The following OSBPL8 variants were observed in gnomAD, a reference collection of about 807,000 sequenced individuals.
OSBPL8 encodes the protein oxysterol binding protein like 8.
Under a neutral mutation model 125.5 loss-of-function variants are expected in OSBPL8, and 59 were observed. The observed-to-expected ratio is 0.47, with a 90% CI of 0.38 to 0.58. The LOEUF (loss-of-function observed/expected upper bound fraction) is 0.58. OSBPL8 is among the 20% of genes least tolerant of loss of function. The pLI, the probability that OSBPL8 is intolerant of heterozygous loss-of-function variation, is 0.00. For missense variants in OSBPL8, 758 were observed against 1,047.8 expected (o/e 0.72, Z 3.82); for synonymous variants, 330 against 338.9 (o/e 0.97, Z 0.29).
chr12:76,488,021 A>C (rs1380755862), intron 1 of OSBPL8, among the ~76,000 whole-genome samples: 1 of 152,218 alleles, frequency 6.6e-6, no homozygotes, highest in Non-Finnish European at 1.5e-5. Flanking sequence ...ATAAATCAGG[A>C]CAATTTTTTG....
At chr12:76,512,980 G>C (rs1461271431) in intron 1 of OSBPL8, among the ~76,000 whole-genome samples, 1 of 152,042 alleles carries the variant, frequency 6.6e-6, no homozygotes, top group African/African-American at 2.4e-5. Context: ...CTCTTGGCTT[G>C]GCTGTTTTTG....
chr12:76,551,795 C>T (rs754572568), intron 1 of OSBPL8, among the ~76,000 whole-genome samples: 14 of 152,256 alleles, frequency 9.2e-5, no homozygotes, highest in Non-Finnish European at 1.3e-4. Flanking sequence ...ATTACAGTCT[C>T]GACTACCTCG....
chr12:76,501,189 C>CT lies in OSBPL8; in HGVS notation c.-67-13572_-67-13571insA, dbSNP rs2137116659. ...TTCATGTTTTCTTAGATTTAAATCCCAATTTATAATTAAAATAAATGCAGT... is the reference window on the plus strand; with the variant it reads ...TTCATGTTTTCTTAGATTTAAATCCCTAATTTATAATTAAAATAAATGCAGT... On this transcript the variant is annotated intron_variant, in intron 1 of 23. Transcript: ENST00000261183. Among the ~76,000 whole-genome samples the CT allele has an allele frequency of 2.0e-5, 3 of 152,188 alleles. 1 individual carries two copies. In the South Asian group the frequency reaches 6.2e-4, roughly 32 times the overall value.
chr12:76,423,185 TA>T (rs1388225096), intron 4 of OSBPL8: 18 of 152,292 alleles, frequency 1.2e-4, no homozygotes, highest in African/African-American at 4.3e-4. Flanking sequence ...GATTTATATC[TA>T]ATCTACAGCT....
intron 21 of OSBPL8, among the ~76,000 whole-genome samples, chr12:76,361,297 A>T (rs974411370): frequency 1.3e-5 from 2 of 152,184 alleles, no homozygotes; most frequent in Non-Finnish European, 2.9e-5. Context: ...AAAGCATAAC[A>T]AGAGTCACCT....
chr12:76,381,431 C>T (rs944573699), intron 15 of OSBPL8, among the ~76,000 whole-genome samples: 3 of 152,150 alleles, frequency 2.0e-5, no homozygotes, highest in Admixed American at 6.5e-5. Flanking sequence ...CAATTTTACA[C>T]CACTTCTTGG....
At chr12:76,398,265 G>A (rs886189574) in intron 7 of OSBPL8, among the ~76,000 whole-genome samples, 8 of 152,094 alleles carry the variant, frequency 5.3e-5, no homozygotes, top group Non-Finnish European at 5.9e-5. Flanking sequence ...TGATGATTCT[G>A]CTTAAAACAA....
At chr12:76,384,978 T>A (rs1228601807) in intron 14 of OSBPL8, among the ~76,000 whole-genome samples, 1 of 152,178 alleles carries the variant, frequency 6.6e-6, no homozygotes, top group Non-Finnish European at 1.5e-5. Context: ...CAGCAATGGA[T>A]AACTAATACA....
At position 76,369,829 on chromosome 12, in the gene OSBPL8, C is replaced by A. The variant is rs759422888; in HGVS notation, c.2055-7G>T. The A allele has an allele frequency of 1.9e-6, 3 of 1,598,412 alleles. No individual in the cohort carries two copies. The highest frequency in any genetic ancestry group is 4.5e-5 in the East Asian group (2 of 44,724). On this transcript the variant is annotated splice_region_variant and splice_polypyrimidine_tract_variant and intron_variant, in intron 19 of 23. Coordinates refer to ENST00000261183, the MANE Select transcript of OSBPL8 (RefSeq NM_020841.5). Reference sequence around the variant, plus strand: ...AGTTACCCGTTGCCAGAGTCTAATACATGTGCGAAAATATTAAAAGTATTA... The same window carrying A: ...AGTTACCCGTTGCCAGAGTCTAATAAATGTGCGAAAATATTAAAAGTATTA...
At chr12:76,422,525 G>T (rs757162840) in intron 4 of OSBPL8, 2 of 456,380 alleles carry the variant, frequency 4.4e-6, no homozygotes, top group South Asian at 3.1e-5. Context: ...CAATGAAGGA[G>T]AAAGTTCATT....
intron 1 of OSBPL8, among the ~76,000 whole-genome samples, chr12:76,515,519 C>T (rs1010082379): frequency 5.3e-5 from 8 of 152,158 alleles, no homozygotes; most frequent in Non-Finnish European, 7.3e-5. Flanking sequence ...TGGGTGGCTC[C>T]GCAATTTCCT....
At chr12:76,538,648 T>C (rs751352708) in intron 1 of OSBPL8, among the ~76,000 whole-genome samples, 8 of 152,112 alleles carry the variant, frequency 5.3e-5, no homozygotes, top group Non-Finnish European at 1.2e-4. Flanking sequence ...GGGACATCTA[T>C]ATTATTCAGA....
intron 1 of OSBPL8, among the ~76,000 whole-genome samples, chr12:76,518,246 G>GC (rs1332580632): frequency 6.6e-6 from 1 of 152,214 alleles, no homozygotes; most frequent in Non-Finnish European, 1.5e-5. Flanking sequence ...CAGGCCACAA[G>GC]CAAGTCCAAA....
chr12:76,551,582 A>C (rs1185206588), intron 1 of OSBPL8, among the ~76,000 whole-genome samples: 1 of 152,164 alleles, frequency 6.6e-6, no homozygotes, highest in Non-Finnish European at 1.5e-5. Flanking sequence ...GCGTAAGATA[A>C]AGCTTTCATG....
chr12:76,420,152 TAAAC>T (rs1484207889), intron 4 of OSBPL8, among the ~76,000 whole-genome samples: 9 of 152,070 alleles, frequency 5.9e-5, no homozygotes, highest in Non-Finnish European at 8.8e-5. Context: ...TGAAATTACA[TAAAC>T]AAATCTACAA....
At position 76,354,520 on chromosome 12, in the gene OSBPL8, C is replaced by T. The variant is rs543650299; in HGVS notation, c.*1369G>A. 1.3e-5 allele frequency: 2 copies of T among 151,998 alleles called. No homozygotes were observed. The highest frequency in any genetic ancestry group is 4.8e-5 in the African/African-American group (2 of 41,538). The allele number at this position is 151,998 out of a possible 1,614,324, so 9.4% of individuals were successfully genotyped here. On this transcript the variant is annotated 3_prime_UTR_variant, in exon 24 of 24. Transcript: ENST00000261183. Reference sequence around the variant, plus strand: ...AATGTGGTCAGGGCAATTATTCTCTCTGACCTTCATTTTCATTAAAAAAAC... The same window carrying T: ...AATGTGGTCAGGGCAATTATTCTCTTTGACCTTCATTTTCATTAAAAAAAC...
chr12:76,373,292 T>TG, intron 18 of OSBPL8, 52 bp downstream of exon 18: 1 of 1,224,024 alleles, frequency 8.2e-7, no homozygotes, highest in Admixed American at 2.3e-5. Flanking sequence ...GTGATTTTTT[T>TG]TTTCCCACAG....
chr12:76,552,513 C>T (rs1359342553), intron 1 of OSBPL8, among the ~76,000 whole-genome samples: 1 of 151,900 alleles, frequency 6.6e-6, no homozygotes. Context: ...ATCTGCCCTT[C>T]CCACAACCTC....
chr12:76,491,270 A>G (rs1878686479), intron 1 of OSBPL8, among the ~76,000 whole-genome samples: 1 of 152,246 alleles, frequency 6.6e-6, no homozygotes, highest in African/African-American at 2.4e-5. Context: ...TTCACTAACA[A>G]AACCTACAAC....
Sources: allele counts gnomAD v4.1 joint callset (sites outside exome capture counted in the v4.1 genomes callset), GRCh38; gene constraint gnomAD v4.1.1; transcripts MANE v1.5; gene names NCBI Gene and HGNC (gene_info 2026-07-23, HGNC 2026-07-21).